Variants in EBF2 observed in about 807,000 individuals in gnomAD.
The protein encoded by EBF2 is EBF transcription factor 2, also known as transcription factor COE2.
EBF2 carries 21 observed loss-of-function variants against 72.8 expected under a neutral mutation model. That is an observed-to-expected ratio of 0.29 (90% CI 0.20 to 0.42). The LOEUF is 0.42. Among genes scored for constraint, EBF2 ranks in the 10% least tolerant of loss-of-function variants. The pLI is 1.00. For synonymous variants in EBF2, 299 were observed against 274.2 expected, an observed-to-expected ratio of 1.09 and a Z score of -0.89; for missense variants, 637 against 731.2, an observed-to-expected ratio of 0.87 and a Z score of 1.49.
intron 7 of EBF2, among the ~76,000 whole-genome samples, chr8:25,893,144 A>G (rs1367144967): frequency 6.6e-6 from 1 of 152,178 alleles, no homozygotes; most frequent in Non-Finnish European, 1.5e-5. Context: ...AGGAGAAGAG[A>G]GAGAAGAAAG....
At chr8:26,040,225 C>G in intron 4 of EBF2, 124 bp from the exon 5 acceptor site, 1 of 1,037,332 alleles carries the variant, frequency 9.6e-7, no homozygotes, top group Non-Finnish European at 1.5e-6. Context: ...ATTAGGAATT[C>G]CCGCCCGCAG....
chr8:25,928,924 A>T (rs77924315), intron 6 of EBF2, among the ~76,000 whole-genome samples: 2,576 of 152,236 alleles, frequency 0.017, 68 homozygotes, highest in African/African-American at 0.059. Context: ...GGAGGGCTCT[A>T]ACATGCAGAA....
In EBF2 at chr8:25,936,337, G is replaced by A. The variant is rs148816920; in HGVS notation, c.552-27782C>T. 4.8e-4 allele frequency among the ~76,000 whole-genome samples: 73 copies of A among 152,278 alleles called. No homozygotes were observed. The East Asian group carries it at 0.013, about 26-fold the overall frequency. On this transcript the variant is annotated intron_variant, in intron 6 of 15. Coordinates refer to ENST00000520164, the MANE Select transcript of EBF2 (RefSeq NM_022659.4). ...CTTAGCACCCCCGATGCTCCAGGACGTGGGCTGCAGTTCTAAGGCAAACAG... is the reference window on the plus strand; with the variant it reads ...CTTAGCACCCCCGATGCTCCAGGACATGGGCTGCAGTTCTAAGGCAAACAG...
At chr8:26,020,936 A>G (rs1805194724) in intron 6 of EBF2, among the ~76,000 whole-genome samples, 1 of 152,182 alleles carries the variant, frequency 6.6e-6, no homozygotes, top group African/African-American at 2.4e-5. Context: ...TTCAAGCGTC[A>G]GCCACAACCA....
intron 10 of EBF2, among the ~76,000 whole-genome samples, chr8:25,884,709 T>C (rs1254721788): frequency 6.6e-6 from 1 of 152,164 alleles, no homozygotes; most frequent in Non-Finnish European, 1.5e-5. Flanking sequence ...CTATATCCCT[T>C]TGGAGCTGGA....
intron 6 of EBF2, among the ~76,000 whole-genome samples, chr8:26,022,631 C>T (rs1003352554): frequency 6.6e-6 from 1 of 152,164 alleles, no homozygotes; most frequent in Non-Finnish European, 1.5e-5. Context: ...TTAGGAATTT[C>T]TCCCCTTATT....
chr8:25,855,867 AG>A (rs1349727817), intron 14 of EBF2, among the ~76,000 whole-genome samples: 1 of 152,244 alleles, frequency 6.6e-6, no homozygotes, highest in Non-Finnish European at 1.5e-5. Context: ...CAGATTCAAT[AG>A]GTACAGGGAG....
chr8:25,846,416 G>T (rs947540981), intron 15 of EBF2, among the ~76,000 whole-genome samples: 1 of 152,080 alleles, frequency 6.6e-6, no homozygotes, highest in Non-Finnish European at 1.5e-5. Flanking sequence ...GGCTGGGCAC[G>T]GTGGCTAACA....
intron 6 of EBF2, among the ~76,000 whole-genome samples, chr8:25,938,033 A>G (rs758007209): frequency 6.6e-6 from 1 of 152,160 alleles, no homozygotes; most frequent in African/African-American, 2.4e-5. Context: ...TAGTACAGAG[A>G]TCTGAAAAAA....
intron 6 of EBF2, among the ~76,000 whole-genome samples, chr8:26,000,091 G>C (rs1804700455): frequency 6.6e-6 from 1 of 152,122 alleles, no homozygotes; most frequent in African/African-American, 2.4e-5. Flanking sequence ...GGATATTTCT[G>C]GAGTCCTAGA....
rs114660603 is a variant in EBF2, at chr8:25,962,594, G to A, written c.552-54039C>T. 4.0e-3 allele frequency among the ~76,000 whole-genome samples: 612 copies of A among 151,594 alleles called. 2 individuals carry two copies. The highest frequency in any genetic ancestry group is 0.014 in the African/African-American group (596 of 41,286). ...GTGTGACATCAACATGTTTTCCTCA[G>A]CTAACAGGCTTCTCTATTCACCAGC... On this transcript the variant is annotated intron_variant, in intron 6 of 15. Coordinates refer to ENST00000520164, the MANE Select transcript of EBF2 (RefSeq NM_022659.4).
chr8:25,955,016 C>T (rs1430849068), intron 6 of EBF2, among the ~76,000 whole-genome samples: 1 of 152,190 alleles, frequency 6.6e-6, no homozygotes, highest in Non-Finnish European at 1.5e-5. Context: ...GTAAACAAGG[C>T]GCCCAGGGGC....
chr8:25,986,339 T>C lies in EBF2; in HGVS notation c.551+46746A>G, dbSNP rs184896613. ...TATTAATGCAGTCTACTCTAACTTCTCTCTCACTGGGCTGTAGTATTTACA... is the reference window on the plus strand; with the variant it reads ...TATTAATGCAGTCTACTCTAACTTCCCTCTCACTGGGCTGTAGTATTTACA... On this transcript the variant is annotated intron_variant, in intron 6 of 15. Transcript: ENST00000520164. Among the ~76,000 whole-genome samples the C allele has an allele frequency of 4.6e-5, 7 of 152,258 alleles. No individual in the cohort carries two copies. In the East Asian group the frequency reaches 1.4e-3, roughly 29 times the overall value.
chr8:25,986,008 A>AAAAAAAAAAAAAAAAAAG (rs1804447425), intron 6 of EBF2, among the ~76,000 whole-genome samples: 1 of 147,288 alleles, frequency 6.8e-6, no homozygotes, highest in African/African-American at 2.5e-5. Flanking sequence ...TCTCAAAAAA[A>AAAAAAAAAAAAAAAAAAG]AAAAAAAAAA....
chr8:25,853,197 G>GT (rs1802018098), intron 14 of EBF2, among the ~76,000 whole-genome samples: 1 of 152,126 alleles, frequency 6.6e-6, no homozygotes, highest in South Asian at 2.1e-4. Flanking sequence ...TGTTAGGATG[G>GT]TTAGAGGTTC....
At chr8:25,886,933 C>T (rs1470517630) in intron 9 of EBF2, 52 bp from the exon 10 acceptor site, 9 of 1,596,140 alleles carry the variant, frequency 5.6e-6, no homozygotes, top group Non-Finnish European at 7.7e-6. Flanking sequence ...AAGCCATCAC[C>T]AAGGACATAA....
At chr8:25,967,768 A>T (rs993751482) in intron 6 of EBF2, among the ~76,000 whole-genome samples, 7 of 152,170 alleles carry the variant, frequency 4.6e-5, no homozygotes, top group Non-Finnish European at 8.8e-5. Context: ...TGGAGTTGTG[A>T]TGCCTAGGTT....
intron 6 of EBF2, among the ~76,000 whole-genome samples, chr8:25,982,651 T>G (rs1280881911): frequency 6.6e-6 from 1 of 152,214 alleles, no homozygotes; most frequent in African/African-American, 2.4e-5. Flanking sequence ...GAAGCTACTC[T>G]GTGGCCCCTA....
At chr8:25,969,719 G>A (rs1804163009) in intron 6 of EBF2, among the ~76,000 whole-genome samples, 1 of 152,196 alleles carries the variant, frequency 6.6e-6, no homozygotes, top group Admixed American at 6.5e-5. Context: ...GGGGACAGAT[G>A]GATCCAGGCA....
Sources: gnomAD v4.1 joint callset for allele counts (sites outside exome capture counted in the v4.1 genomes callset) on GRCh38, gnomAD v4.1.1 for gene constraint, MANE v1.5 for transcripts, NCBI Gene and HGNC (gene_info 2026-07-23, HGNC 2026-07-21) for gene names.